MAGI2: variants seen among roughly 807,000 people sequenced by gnomAD.
MAGI2 encodes membrane-associated guanylate kinase, WW and PDZ domain-containing protein 2.
MAGI2 carries 35 observed loss-of-function variants against 133.3 expected under a neutral mutation model. The ratio of observed to expected loss-of-function variants is 0.26; its 90% CI spans 0.20 to 0.35. The LOEUF is 0.35. Among genes scored for constraint, MAGI2 ranks in the 10% least tolerant of loss-of-function variants. MAGI2 has a pLI of 1.00. For synonymous variants in MAGI2, 729 were observed against 710.6 expected, an observed-to-expected ratio of 1.03 and a Z score of -0.41; for missense variants, 1,636 against 1,863.4, an observed-to-expected ratio of 0.88 and a Z score of 2.25.
At chr7:78,951,733 C>A (rs746637235) in intron 2 of MAGI2, among the ~76,000 whole-genome samples, 1 of 152,172 alleles carries the variant, frequency 6.6e-6, no homozygotes, top group African/African-American at 2.4e-5. Context: ...CAAAAATTTT[C>A]TTTTAATTCA....
At chr7:78,268,590 A>C (rs191133678) in intron 9 of MAGI2, among the ~76,000 whole-genome samples, 1 of 152,210 alleles carries the variant, frequency 6.6e-6, no homozygotes, top group African/African-American at 2.4e-5. Flanking sequence ...CCATACCCCT[A>C]GTGGGTTTGG....
chr7:79,068,034 G>A (rs1002088809), intron 1 of MAGI2, among the ~76,000 whole-genome samples: 6 of 152,068 alleles, frequency 3.9e-5, no homozygotes, highest in Non-Finnish European at 8.8e-5. Flanking sequence ...TTTTCACATC[G>A]ATGTTCATCA....
At chr7:78,197,640 T>C (rs539837525) in intron 11 of MAGI2, among the ~76,000 whole-genome samples, 1 of 152,328 alleles carries the variant, frequency 6.6e-6, no homozygotes, top group Non-Finnish European at 1.5e-5. Flanking sequence ...ATTGGGGAAT[T>C]AGTCAAGAGT....
chr7:78,397,397 A>ACACACACACACC (rs1465475656), intron 6 of MAGI2, among the ~76,000 whole-genome samples: 2 of 146,956 alleles, frequency 1.4e-5, no homozygotes, highest in Non-Finnish European at 3.0e-5. Flanking sequence ...ACACACACAC[A>ACACACACACACC]CCCCTTGTCT....
chr7:78,046,158 G>C (rs962567160), intron 21 of MAGI2, among the ~76,000 whole-genome samples: 2 of 151,716 alleles, frequency 1.3e-5, no homozygotes, highest in Non-Finnish European at 2.9e-5. Flanking sequence ...CACTTTGGGA[G>C]GCCAAGGTGG....
At chr7:78,220,264 TATCTC>T (rs1161282583) in intron 10 of MAGI2, among the ~76,000 whole-genome samples, 1 of 152,160 alleles carries the variant, frequency 6.6e-6, no homozygotes, top group Non-Finnish European at 1.5e-5. Flanking sequence ...TTATAATTCT[TATCTC>T]ATGCACCACC....
intron 2 of MAGI2, among the ~76,000 whole-genome samples, chr7:78,841,620 C>G (rs557534879): frequency 4.6e-5 from 7 of 152,086 alleles, no homozygotes; most frequent in Admixed American, 3.3e-4. Flanking sequence ...CACCCAACTT[C>G]CAACTGAATA....
At chr7:78,454,403 G>A (rs1323405092) in intron 6 of MAGI2, among the ~76,000 whole-genome samples, 1 of 152,060 alleles carries the variant, frequency 6.6e-6, no homozygotes, top group East Asian at 1.9e-4. Context: ...CTATTAGAAT[G>A]ATTAAAATAC....
intron 2 of MAGI2, among the ~76,000 whole-genome samples, chr7:79,003,147 A>T (rs1349722002): frequency 6.6e-6 from 1 of 151,980 alleles, no homozygotes; most frequent in Non-Finnish European, 1.5e-5. Flanking sequence ...GCAAGGACCA[A>T]CTTGTCCACA....
intron 1 of MAGI2, among the ~76,000 whole-genome samples, chr7:79,030,542 A>G (rs141937856): frequency 7.9e-5 from 12 of 152,284 alleles, no homozygotes; most frequent in Non-Finnish European, 1.6e-4. Context: ...CACATTGTGA[A>G]TTTGGGACTA....
At chr7:78,838,333 A>C (rs971910927) in intron 2 of MAGI2, among the ~76,000 whole-genome samples, 8 of 152,078 alleles carry the variant, frequency 5.3e-5, no homozygotes, top group African/African-American at 1.9e-4. Flanking sequence ...AGAATCATCT[A>C]ATCAGGTTCA....
rs1554442385 is a variant in MAGI2, at chr7:78,497,750, A to ATCTATCTGTCTGTCTGTCTG, written c.965+3826_965+3827insCAGACAGACAGACAGATAGA. ...TATCTATCTATCTATCTATCTATCT[A>ATCTATCTGTCTGTCTGTCTG]TCTATCTATCTATCTTTCTATCTTA... On this transcript the variant is annotated intron_variant, in intron 5 of 21. Coordinates refer to ENST00000354212, the MANE Select transcript of MAGI2 (RefSeq NM_012301.4). Among the ~76,000 whole-genome samples the ATCTATCTGTCTGTCTGTCTG allele has an allele frequency of 1.1e-4, 13 of 113,412 alleles. 1 individual carries two copies. The highest frequency in any genetic ancestry group is 5.3e-4 in the South Asian group (2 of 3,798). 74.4% of individuals were successfully genotyped at this position (113,412 alleles called of 152,430 possible). A position where few individuals can be genotyped will look rare whatever the true frequency, so the allele number is the denominator to read the frequency against.
chr7:78,573,401 T>TATATATATATATATATATATAG (rs1563189756), intron 3 of MAGI2, among the ~76,000 whole-genome samples: 1 of 74,218 alleles, frequency 1.3e-5, no homozygotes, highest in African/African-American at 5.5e-5. Flanking sequence ...TATATATATA[T>TATATATATATATATATATATAG]ATAGGCTGCC....
At chr7:78,821,112 TGTG>T (rs1790057888) in intron 2 of MAGI2, among the ~76,000 whole-genome samples, 1 of 152,082 alleles carries the variant, frequency 6.6e-6, no homozygotes, top group Non-Finnish European at 1.5e-5. Context: ...GCAGATTTTA[TGTG>T]TGGTATGTAG....
chr7:78,922,246 G>C (rs187330532), intron 2 of MAGI2, among the ~76,000 whole-genome samples: 1 of 150,618 alleles, frequency 6.6e-6, no homozygotes, highest in Non-Finnish European at 1.5e-5. Flanking sequence ...CAATGTGCAG[G>C]TTAGTTACAT....
intron 2 of MAGI2, among the ~76,000 whole-genome samples, chr7:78,967,548 T>C (rs933012047): frequency 6.6e-6 from 1 of 152,044 alleles, no homozygotes; most frequent in Admixed American, 6.6e-5. Context: ...TTTTTCCTTA[T>C]GTTTTCTTCT....
At chr7:78,130,137 T>TTTCA in intron 18 of MAGI2, among the ~76,000 whole-genome samples, 1 of 152,162 alleles carries the variant, frequency 6.6e-6, no homozygotes, top group Non-Finnish European at 1.5e-5. Context: ...GCTCTTCTGT[T>TTTCA]GTTTTCAACA....
chr7:78,662,487 TATC>T (rs1009456948), intron 2 of MAGI2, among the ~76,000 whole-genome samples: 1 of 152,222 alleles, frequency 6.6e-6, no homozygotes, highest in African/African-American at 2.4e-5. Flanking sequence ...CTAAAATTAT[TATC>T]ATTTTTCTTT....
intron 2 of MAGI2, among the ~76,000 whole-genome samples, chr7:78,979,352 C>A (rs1013382666): frequency 5.9e-5 from 8 of 135,662 alleles, no homozygotes; most frequent in Admixed American, 1.4e-4. Flanking sequence ...TCAAAAAAGT[C>A]CCCCCCCAGC....
Sources: gnomAD v4.1 joint callset for allele counts (sites outside exome capture counted in the v4.1 genomes callset) on GRCh38, gnomAD v4.1.1 for gene constraint, MANE v1.5 for transcripts, NCBI Gene and HGNC (gene_info 2026-07-23, HGNC 2026-07-21) for gene names.